The following CNTNAP3B variants were observed in gnomAD, a reference collection of about 807,000 sequenced individuals.
CNTNAP3B encodes the protein contactin-associated protein-like 3B.
CNTNAP3B carries 25 observed loss-of-function variants against 108.9 expected under a neutral mutation model. The ratio of observed to expected loss-of-function variants is 0.23; its 90% CI spans 0.17 to 0.32. The LOEUF is 0.32. Ranked by LOEUF, CNTNAP3B falls within the 10% of genes least tolerant of loss-of-function variation. The pLI, the probability that CNTNAP3B is intolerant of heterozygous loss-of-function variation, is 1.00. For synonymous variants in CNTNAP3B, 103 were observed against 473.4 expected, an observed-to-expected ratio of 0.22 and a Z score of 10.16; for missense variants, 252 against 1,210.4, an observed-to-expected ratio of 0.21 and a Z score of 11.75.
In CNTNAP3B at chr9:42,098,300, G is replaced by A. The variant is rs1483607567; in HGVS notation, c.196+6329C>T. ...CATGAAAAAGATAACTAGGCTGGGCGTGGTGGCTCACGCCTGTAATCCCAG... is the reference window on the plus strand; with the variant it reads ...CATGAAAAAGATAACTAGGCTGGGCATGGTGGCTCACGCCTGTAATCCCAG... On this transcript the variant is annotated intron_variant, in intron 2 of 23. Coordinates refer to ENST00000377561, the MANE Select transcript of CNTNAP3B (RefSeq NM_001201380.3). 5.3e-4 allele frequency among the ~76,000 whole-genome samples: 68 copies of A among 128,926 alleles called. 8 individuals carry two copies. Among genetic ancestry groups the A allele is most frequent in the Non-Finnish European group, 9.2e-4 (57 of 61,728 alleles). 84.6% of individuals were successfully genotyped at this position (128,926 alleles called of 152,430 possible). A position where few individuals can be genotyped will look rare whatever the true frequency, so the allele number is the denominator to read the frequency against.
intron 1 of CNTNAP3B, among the ~76,000 whole-genome samples, chr9:42,117,675 C>A (rs1450753948): frequency 7.4e-6 from 1 of 135,450 alleles, no homozygotes; most frequent in African/African-American, 3.0e-5. Flanking sequence ...TAACTAAGAT[C>A]AGAGCAGAAC....
chr9:42,044,272 G>A (rs1587226365), intron 3 of CNTNAP3B, among the ~76,000 whole-genome samples: 1 of 151,444 alleles, frequency 6.6e-6, no homozygotes, highest in Non-Finnish European at 1.5e-5. Flanking sequence ...TCACAGGTGT[G>A]TATGTATAAG....
chr9:42,019,883 T>A (rs1325482299), intron 3 of CNTNAP3B, among the ~76,000 whole-genome samples: 6 of 131,940 alleles, frequency 4.5e-5, no homozygotes, highest in South Asian at 5.0e-4. Context: ...AATAAATGAA[T>A]AATCAATGAC....
intron 10 of CNTNAP3B, among the ~76,000 whole-genome samples, chr9:41,966,410 G>T (rs1304452417): frequency 6.6e-6 from 1 of 152,290 alleles, no homozygotes; most frequent in African/African-American, 2.4e-5. Context: ...AACATCAATT[G>T]TGAAAAATTT....
chr9:41,947,660 G>A (rs1443297331), intron 13 of CNTNAP3B, among the ~76,000 whole-genome samples: 169 of 151,944 alleles, frequency 1.1e-3, no homozygotes, highest in Non-Finnish European at 1.4e-3. Context: ...CATACAAGCT[G>A]AAGGAAGGAG....
intron 3 of CNTNAP3B, among the ~76,000 whole-genome samples, chr9:42,066,698 C>G: frequency 7.7e-6 from 1 of 129,864 alleles, no homozygotes; most frequent in South Asian, 2.6e-4. Flanking sequence ...GGATTACAGG[C>G]ATGAGCCACC....
At chr9:42,115,019 T>C (rs1209675496) in intron 1 of CNTNAP3B, among the ~76,000 whole-genome samples, 2 of 134,224 alleles carry the variant, frequency 1.5e-5, no homozygotes, top group African/African-American at 6.0e-5. Flanking sequence ...GTGCCACTGC[T>C]CTCCAGCCTA....
intron 12 of CNTNAP3B, among the ~76,000 whole-genome samples, chr9:41,958,950 G>A (rs529802810): frequency 7.2e-6 from 1 of 139,650 alleles, no homozygotes; most frequent in South Asian, 2.3e-4. Context: ...GGTCTTCCTG[G>A]AGTTTTTAAT....
chr9:42,029,748 C>T (rs1276806606), intron 3 of CNTNAP3B, among the ~76,000 whole-genome samples: 2 of 114,364 alleles, frequency 1.7e-5, no homozygotes, highest in Admixed American at 1.8e-4. Context: ...CCAGGCTGGT[C>T]TTGAACTCCT....
At chr9:42,107,101 G>T (rs187839338) in intron 1 of CNTNAP3B, among the ~76,000 whole-genome samples, 1 of 85,894 alleles carries the variant, frequency 1.2e-5, no homozygotes, top group East Asian at 6.5e-4. Context: ...GGCATTTCAC[G>T]TGTCCCTGGG....
At chr9:41,940,880 C>A (rs1354963776) in intron 13 of CNTNAP3B, among the ~76,000 whole-genome samples, 1 of 152,278 alleles carries the variant, frequency 6.6e-6, no homozygotes, top group South Asian at 2.1e-4. Context: ...TTGTCGCTAG[C>A]AGACATTCCC....
rs1325539654 is a variant in CNTNAP3B, at chr9:42,096,210, C to A, written c.196+8419G>T. Among the ~76,000 whole-genome samples, 2 of 139,146 alleles carry A rather than the reference C, an allele frequency of 1.4e-5. 1 individual carries two copies. Among genetic ancestry groups the A allele is most frequent in the African/African-American group, 5.7e-5 (2 of 34,956 alleles). 91.3% of individuals were successfully genotyped at this position (139,146 alleles called of 152,430 possible). A position where few individuals can be genotyped will look rare whatever the true frequency, so the allele number is the denominator to read the frequency against. Reference sequence around the variant, plus strand: ...CCTTTCCACTACACACTTGAGAGTGCCCACTCAGATCCCTGAGCTTCAGTG... The same window carrying A: ...CCTTTCCACTACACACTTGAGAGTGACCACTCAGATCCCTGAGCTTCAGTG... On this transcript the variant is annotated intron_variant, in intron 2 of 23. Coordinates refer to ENST00000377561, the MANE Select transcript of CNTNAP3B (RefSeq NM_001201380.3).
chr9:42,120,047 A>G (rs1287768990), intron 1 of CNTNAP3B, among the ~76,000 whole-genome samples: 4 of 150,004 alleles, frequency 2.7e-5, no homozygotes, highest in African/African-American at 7.5e-5. Flanking sequence ...CAACCTACAG[A>G]ATGGAAGGAA....
intron 12 of CNTNAP3B, among the ~76,000 whole-genome samples, chr9:41,956,537 C>A (rs1218931058): frequency 6.6e-6 from 1 of 151,966 alleles, no homozygotes; most frequent in Non-Finnish European, 1.5e-5. Flanking sequence ...CATATGAAAT[C>A]CCCAGCATCT....
intron 15 of CNTNAP3B, among the ~76,000 whole-genome samples, chr9:41,926,030 T>A (rs1452024928): frequency 1.7e-4 from 26 of 151,826 alleles, no homozygotes; most frequent in African/African-American, 4.9e-4. Flanking sequence ...TCTCTCTCTC[T>A]CACACACACA....
At chr9:42,078,447 T>A (rs1423426839) in intron 2 of CNTNAP3B, among the ~76,000 whole-genome samples, 93 of 139,476 alleles carry the variant, frequency 6.7e-4, no homozygotes, top group African/African-American at 2.5e-3. Context: ...CCTCTAAAGT[T>A]TATATTATAT....
intron 3 of CNTNAP3B, among the ~76,000 whole-genome samples, chr9:42,054,737 C>G (rs1172824772): frequency 6.6e-6 from 1 of 151,520 alleles, no homozygotes; most frequent in East Asian, 1.9e-4. Flanking sequence ...AATTTGAAGG[C>G]TATTTATTTC....
chr9:41,981,898 T>TAAG (rs1825635444), intron 9 of CNTNAP3B, among the ~76,000 whole-genome samples: 1 of 40,786 alleles, frequency 2.5e-5, no homozygotes, highest in African/African-American at 6.4e-5. Flanking sequence ...CAAACAATAA[T>TAAG]AATAATAATA....
At chr9:42,021,966 A>G (rs1294364064) in intron 3 of CNTNAP3B, among the ~76,000 whole-genome samples, 9 of 118,294 alleles carry the variant, frequency 7.6e-5, no homozygotes, top group Admixed American at 1.7e-4. Flanking sequence ...TCCTGGGCTT[A>G]GGCAAGCCAA....
Sources: gnomAD v4.1 joint callset for allele counts (sites outside exome capture counted in the v4.1 genomes callset) on GRCh38, gnomAD v4.1.1 for gene constraint, MANE v1.5 for transcripts, NCBI Gene and HGNC (gene_info 2026-07-23, HGNC 2026-07-21) for gene names.